Variants in FBXW7 observed in about 807,000 individuals in gnomAD.
The protein encoded by FBXW7 is F-box/WD repeat-containing protein 7.
Under a neutral mutation model 86.3 loss-of-function variants are expected in FBXW7, and 11 were observed. The observed-to-expected ratio is 0.13, with a 90% confidence interval of 0.08 to 0.21. FBXW7 has a LOEUF of 0.21. FBXW7 is among the 10% of genes least tolerant of loss of function. The pLI is 1.00. For missense variants in FBXW7, 488 were observed against 847.4 expected (o/e 0.58, Z 5.27); for synonymous variants, 313 against 297.9 (o/e 1.05, Z -0.52).
intron 4 of FBXW7, among the ~76,000 whole-genome samples, chr4:152,387,946 G>A (rs1735682187): frequency 6.6e-6 from 1 of 152,008 alleles, no homozygotes; most frequent in South Asian, 2.1e-4. Flanking sequence ...CTGACCTTGT[G>A]ATCCGCCCAC....
At chr4:152,493,226 G>A (rs528409186) in intron 2 of FBXW7, among the ~76,000 whole-genome samples, 5 of 151,922 alleles carry the variant, frequency 3.3e-5, no homozygotes, top group Admixed American at 2.0e-4. Flanking sequence ...GTGCAGTGGC[G>A]CAATCTTGGC....
intron 2 of FBXW7, among the ~76,000 whole-genome samples, chr4:152,421,005 T>C (rs1017113701): frequency 6.6e-6 from 1 of 152,202 alleles, no homozygotes; most frequent in East Asian, 1.9e-4. Flanking sequence ...TTAGATGGCA[T>C]CTTCCAATAG....
intron 2 of FBXW7, among the ~76,000 whole-genome samples, chr4:152,465,009 A>G: frequency 6.6e-6 from 1 of 152,222 alleles, no homozygotes; most frequent in East Asian, 1.9e-4. Flanking sequence ...TCAAAGATCC[A>G]TCTAATGAAG....
intron 5 of FBXW7, among the ~76,000 whole-genome samples, chr4:152,348,468 T>C (rs1210441467): frequency 6.6e-6 from 1 of 151,858 alleles, no homozygotes; most frequent in Non-Finnish European, 1.5e-5. Flanking sequence ...CAGAAAAACA[T>C]GGAAATAAAT....
intron 2 of FBXW7, among the ~76,000 whole-genome samples, chr4:152,418,706 G>C (rs1738669629): frequency 6.6e-6 from 1 of 152,090 alleles, no homozygotes; most frequent in Non-Finnish European, 1.5e-5. Context: ...AGATTATCCT[G>C]CTACTCACAG....
At chr4:152,459,808 G>C (rs1016783359) in intron 2 of FBXW7, among the ~76,000 whole-genome samples, 3 of 152,202 alleles carry the variant, frequency 2.0e-5, no homozygotes, top group African/African-American at 7.2e-5. Flanking sequence ...TTATATGAAT[G>C]TGGTCTCTCA....
rs918392500 is a variant in FBXW7, at chr4:152,495,840, T to C, written c.-120+39101A>G. Among the ~76,000 whole-genome samples the C allele has an allele frequency of 3.9e-5, 6 of 152,354 alleles. No individual in the cohort carries two copies. In the East Asian group the frequency reaches 1.2e-3, roughly 29 times the overall value. On this transcript the variant is annotated intron_variant, in intron 2 of 13. Transcript: ENST00000281708. The stretch of plus-strand genomic sequence containing the variant: ...AAAAACCATCTTTATTCACTACTTA[T>C]ATGATTATCTGCATGAGGTATCCAA...
At chr4:152,417,199 G>C (rs1360656161) in intron 2 of FBXW7, among the ~76,000 whole-genome samples, 1 of 152,040 alleles carries the variant, frequency 6.6e-6, no homozygotes, top group East Asian at 1.9e-4. Flanking sequence ...TTTCAAGAAG[G>C]TGTCCCAAAG....
chr4:152,391,173 G>A (rs187458612), intron 4 of FBXW7, among the ~76,000 whole-genome samples: 4 of 152,118 alleles, frequency 2.6e-5, no homozygotes, highest in Admixed American at 2.6e-4. Flanking sequence ...AATATTAACT[G>A]AAAGTACTTC....
chr4:152,395,732 TG>T (rs1490502804), intron 4 of FBXW7, among the ~76,000 whole-genome samples: 21 of 152,102 alleles, frequency 1.4e-4, no homozygotes, highest in Middle Eastern at 6.8e-3. Context: ...AATTTTGCAA[TG>T]GGTGATAAAC....
chr4:152,462,422 T>C (rs1212951361), intron 2 of FBXW7, among the ~76,000 whole-genome samples: 1 of 152,236 alleles, frequency 6.6e-6, no homozygotes, highest in East Asian at 1.9e-4. Context: ...CTGGGTCCCC[T>C]GGGGTCTCCC....
intron 2 of FBXW7, among the ~76,000 whole-genome samples, chr4:152,495,143 TTC>T (rs1226983531): frequency 1.3e-5 from 2 of 152,084 alleles, no homozygotes; most frequent in Non-Finnish European, 2.9e-5. Flanking sequence ...ATCAAAATAA[TTC>T]TTTTAGGCTG....
intron 2 of FBXW7, among the ~76,000 whole-genome samples, chr4:152,428,948 G>C (rs1367313385): frequency 6.6e-6 from 1 of 152,140 alleles, no homozygotes; most frequent in Non-Finnish European, 1.5e-5. Flanking sequence ...CCAGCACTTT[G>C]GGAGGCCAAG....
At chr4:152,348,765 TC>T in intron 5 of FBXW7, 2 of 959,822 alleles carry the variant, frequency 2.1e-6, no homozygotes, top group South Asian at 1.5e-5. Context: ...AAATTTCTCA[TC>T]CAAGAAATAC....
intron 4 of FBXW7, among the ~76,000 whole-genome samples, chr4:152,359,560 G>C (rs541596053): frequency 6.6e-6 from 1 of 152,188 alleles, no homozygotes; most frequent in South Asian, 2.1e-4. Context: ...CTCTACTCCA[G>C]CCTGGGTGAT....
chr4:152,428,912 CT>C (rs1434793465), intron 2 of FBXW7, among the ~76,000 whole-genome samples: 2 of 152,162 alleles, frequency 1.3e-5, no homozygotes, highest in Non-Finnish European at 2.9e-5. Flanking sequence ...TTTCAGAACA[CT>C]TTGGCCGGGC....
rs542491680 is a variant in FBXW7, at chr4:152,455,290, C to T, written c.-119-42761G>A. 2.0e-3 allele frequency among the ~76,000 whole-genome samples: 301 copies of T among 152,270 alleles called. 1 individual carries two copies. The Middle Eastern group carries it at 0.024, about 12-fold the overall frequency. ...GAGAGTTAGTCACATAACTACAGGA[C>T]GGAATTCAGGTAAACTTTCTGTTAC... On this transcript the variant is annotated intron_variant, in intron 2 of 13. Coordinates refer to ENST00000281708, the MANE Select transcript of FBXW7 (RefSeq NM_001349798.2).
intron 2 of FBXW7, among the ~76,000 whole-genome samples, chr4:152,442,380 TG>T (rs1560902975): frequency 6.6e-6 from 1 of 152,220 alleles, no homozygotes; most frequent in African/African-American, 2.4e-5. Context: ...TCTTCCAAGA[TG>T]GCTTCCCAAG....
At chr4:152,458,261 G>T (rs570798221) in intron 2 of FBXW7, among the ~76,000 whole-genome samples, 6 of 152,130 alleles carry the variant, frequency 3.9e-5, no homozygotes, top group African/African-American at 1.4e-4. Flanking sequence ...CTCGTGATCC[G>T]CCCGCCTCAG....
Sources: allele counts gnomAD v4.1 joint callset (sites outside exome capture counted in the v4.1 genomes callset), GRCh38; gene constraint gnomAD v4.1.1; transcripts MANE v1.5; gene names NCBI Gene and HGNC (gene_info 2026-07-23, HGNC 2026-07-21).